Variants in ARHGAP15 observed in about 807,000 individuals in gnomAD.
ARHGAP15 encodes Rho GTPase activating protein 15.
ARHGAP15 carries 51 observed loss-of-function variants against 63.7 expected under a neutral mutation model. The observed-to-expected ratio is 0.80, with a 90% CI of 0.64 to 1.01. The LOEUF is 1.01. ARHGAP15 is among the 50% of genes least tolerant of loss of function. ARHGAP15 has a pLI of 0.00. For synonymous variants in ARHGAP15, 191 were observed against 193.8 expected, an observed-to-expected ratio of 0.99 and a Z score of 0.12; for missense variants, 560 against 564.6, an observed-to-expected ratio of 0.99 and a Z score of 0.08.
intron 2 of ARHGAP15, among the ~76,000 whole-genome samples, chr2:143,178,336 A>T (rs1691088985): frequency 6.6e-6 from 1 of 152,212 alleles, no homozygotes; most frequent in African/African-American, 2.4e-5. Context: ...TTAGGCATTC[A>T]TGAACTCCAT....
At chr2:143,740,263 A>G (rs998800500) in intron 13 of ARHGAP15, among the ~76,000 whole-genome samples, 3 of 152,204 alleles carry the variant, frequency 2.0e-5, no homozygotes, top group Non-Finnish European at 4.4e-5. Context: ...GATCTAAACC[A>G]ATCTGCAGAG....
At chr2:143,198,358 T>C (rs1691969811) in intron 2 of ARHGAP15, among the ~76,000 whole-genome samples, 1 of 152,052 alleles carries the variant, frequency 6.6e-6, no homozygotes, top group Non-Finnish European at 1.5e-5. Flanking sequence ...CTATTTTGAG[T>C]CTTCTTATTT....
At chr2:143,656,934 G>GGTGT (rs5834961) in intron 12 of ARHGAP15, among the ~76,000 whole-genome samples, 3,046 of 144,974 alleles carry the variant, frequency 0.021, 59 homozygotes, top group East Asian at 0.05. Context: ...CAAAGTTTCT[G>GGTGT]GTGTGTGTGT....
At chr2:143,519,828 C>T (rs781272419) in intron 10 of ARHGAP15, among the ~76,000 whole-genome samples, 2 of 152,258 alleles carry the variant, frequency 1.3e-5, no homozygotes, top group East Asian at 1.9e-4. Flanking sequence ...AATACGCTAA[C>T]GGGTTTTTTC....
At chr2:143,740,348 T>C (rs963054927) in intron 13 of ARHGAP15, among the ~76,000 whole-genome samples, 8 of 152,208 alleles carry the variant, frequency 5.3e-5, no homozygotes, top group Non-Finnish European at 8.8e-5. Flanking sequence ...GAACAACAGA[T>C]ACATCAGAAT....
chr2:143,179,043 A>G (rs1160905193), intron 2 of ARHGAP15, among the ~76,000 whole-genome samples: 2 of 152,226 alleles, frequency 1.3e-5, no homozygotes, highest in Non-Finnish European at 2.9e-5. Context: ...GGTGCATGCA[A>G]TTATCCAGGG....
In ARHGAP15 at chr2:143,134,632, CTT is replaced by C. The variant is rs139259059; in HGVS notation, c.-15+5185_-15+5186del. Reference sequence around the variant, plus strand: ...ATATATGAAATGCTGTATTCCTTTTCTTTTTTTTTTTTTTTTTTTTGAGACGG... The same window carrying C: ...ATATATGAAATGCTGTATTCCTTTTCTTTTTTTTTTTTTTTTTTGAGACGG... On this transcript the variant is annotated intron_variant, in intron 1 of 13. Transcript: ENST00000295095. Among the ~76,000 whole-genome samples, 938 of 119,388 alleles carry C rather than the reference CTT, an allele frequency of 7.9e-3. 6 individuals carry two copies. Among genetic ancestry groups the C allele is most frequent in the African/African-American group, 0.027 (876 of 32,946 alleles). The allele number at this position is 119,388 out of a possible 152,430, so 78.3% of individuals were successfully genotyped here.
chr2:143,323,432 G>C (rs536447710), intron 6 of ARHGAP15, among the ~76,000 whole-genome samples: 2 of 152,240 alleles, frequency 1.3e-5, no homozygotes, highest in East Asian at 3.9e-4. Context: ...TATGAATGTG[G>C]GAATTGACTT....
chr2:143,431,103 G>T (rs970271830), intron 6 of ARHGAP15, among the ~76,000 whole-genome samples: 1 of 151,998 alleles, frequency 6.6e-6, no homozygotes, highest in Non-Finnish European at 1.5e-5. Flanking sequence ...GATTTTGCAT[G>T]ATCTTTTAAA....
chr2:143,233,010 G>A (rs1180783997), intron 5 of ARHGAP15, among the ~76,000 whole-genome samples: 4 of 152,092 alleles, frequency 2.6e-5, no homozygotes, highest in African/African-American at 9.7e-5. Context: ...AAGCTAGTGT[G>A]AGACCCTTTA....
chr2:143,352,655 A>T (rs1685621549), intron 6 of ARHGAP15, among the ~76,000 whole-genome samples: 1 of 152,232 alleles, frequency 6.6e-6, no homozygotes, highest in Non-Finnish European at 1.5e-5. Flanking sequence ...TTCTTTGCTT[A>T]ACTCAGAATT....
intron 12 of ARHGAP15, among the ~76,000 whole-genome samples, chr2:143,676,828 AG>A (rs1187076079): frequency 1.3e-5 from 2 of 152,270 alleles, no homozygotes; most frequent in Non-Finnish European, 2.9e-5. Context: ...ACTGGGAAAA[AG>A]GTGCCAACAG....
intron 10 of ARHGAP15, among the ~76,000 whole-genome samples, chr2:143,531,176 G>A (rs896283625): frequency 1.3e-5 from 2 of 151,802 alleles, no homozygotes; most frequent in African/African-American, 4.8e-5. Context: ...CCTAACTGAG[G>A]ACATTTTACC....
At chr2:143,442,505 C>T (rs1258430761) in intron 8 of ARHGAP15, among the ~76,000 whole-genome samples, 2 of 152,032 alleles carry the variant, frequency 1.3e-5, no homozygotes, top group Non-Finnish European at 2.9e-5. Flanking sequence ...TCTGGTGAGC[C>T]CTGAAAGTCC....
intron 6 of ARHGAP15, among the ~76,000 whole-genome samples, chr2:143,287,588 C>T (rs1682169441): frequency 6.6e-6 from 1 of 151,904 alleles, no homozygotes; most frequent in Non-Finnish European, 1.5e-5. Context: ...GGTGGATTAC[C>T]TGAGGTCAGG....
chr2:143,355,695 CT>C (rs987642078), intron 6 of ARHGAP15, among the ~76,000 whole-genome samples: 1 of 151,970 alleles, frequency 6.6e-6, no homozygotes, highest in African/African-American at 2.4e-5. Context: ...TACATTTTGT[CT>C]TTTGAAATAT....
rs139581415 is a variant in ARHGAP15, at chr2:143,462,367, A to G, written c.704-25006A>G. Among the ~76,000 whole-genome samples, 1,253 of 152,308 alleles carry G rather than the reference A, an allele frequency of 8.2e-3. 16 individuals carry two copies. The highest frequency in any genetic ancestry group is 0.029 in the African/African-American group (1,199 of 41,562). On this transcript the variant is annotated intron_variant, in intron 8 of 13. Transcript: ENST00000295095. ...TTTTAAACTATTGGGGAAAAAAAATAAAACTAAAAGACTACAAAGAAGAAA... is the reference window on the plus strand; with the variant it reads ...TTTTAAACTATTGGGGAAAAAAAATGAAACTAAAAGACTACAAAGAAGAAA...
At chr2:143,762,288 G>A (rs561218085) in intron 13 of ARHGAP15, among the ~76,000 whole-genome samples, 27 of 152,250 alleles carry the variant, frequency 1.8e-4, no homozygotes, top group Admixed American at 4.6e-4. Flanking sequence ...TCTCAACCAC[G>A]TGTTTTCCTT....
intron 3 of ARHGAP15, among the ~76,000 whole-genome samples, chr2:143,207,264 T>C (rs571939251): frequency 1.3e-5 from 2 of 152,136 alleles, no homozygotes; most frequent in East Asian, 1.9e-4. Context: ...ATATCACTAA[T>C]TATAGATAAT....
Sources: allele counts gnomAD v4.1 joint callset (sites outside exome capture counted in the v4.1 genomes callset), GRCh38; gene constraint gnomAD v4.1.1; transcripts MANE v1.5; gene names NCBI Gene and HGNC (gene_info 2026-07-23, HGNC 2026-07-21).